The following NRXN1 variants were observed in gnomAD, a reference collection of about 807,000 sequenced individuals.
NRXN1 encodes the protein neurexin-1.
NRXN1 carries 39 observed loss-of-function variants against 150.9 expected under a neutral mutation model. That is an observed-to-expected ratio of 0.26 (90% CI 0.20 to 0.34). The LOEUF is 0.34. NRXN1 is among the 10% of genes least tolerant of loss of function. NRXN1 has a pLI of 1.00. For synonymous variants in NRXN1, 924 were observed against 757.0 expected, an observed-to-expected ratio of 1.22 and a Z score of -3.62; for missense variants, 1,815 against 1,949.9, an observed-to-expected ratio of 0.93 and a Z score of 1.30.
intron 17 of NRXN1, among the ~76,000 whole-genome samples, chr2:50,258,496 T>G (rs1188746260): frequency 1.3e-5 from 2 of 152,056 alleles, no homozygotes; most frequent in Non-Finnish European, 1.5e-5. Context: ...TTTAGTTCTC[T>G]TGCTATTTCT....
chr2:50,740,037 T>C (rs1418904655), intron 5 of NRXN1, among the ~76,000 whole-genome samples: 1 of 152,206 alleles, frequency 6.6e-6, no homozygotes, highest in Non-Finnish European at 1.5e-5. Context: ...AGGGATGCTT[T>C]GTATATTTCT....
intron 5 of NRXN1, among the ~76,000 whole-genome samples, chr2:50,780,552 A>C (rs1194023448): frequency 6.6e-6 from 1 of 152,148 alleles, no homozygotes; most frequent in African/African-American, 2.4e-5. Flanking sequence ...ATATTTATTT[A>C]ATTCTAGGAT....
chr2:50,525,652 C>G (rs1416825695), intron 12 of NRXN1, among the ~76,000 whole-genome samples: 2 of 152,194 alleles, frequency 1.3e-5, no homozygotes, highest in Non-Finnish European at 2.9e-5. Flanking sequence ...CTGTAATCTG[C>G]AAGATCAAAA....
intron 22 of NRXN1, among the ~76,000 whole-genome samples, chr2:49,932,083 A>G (rs1392667000): frequency 6.6e-6 from 1 of 152,020 alleles, no homozygotes; most frequent in Admixed American, 6.6e-5. Context: ...ATGTGTGTGC[A>G]TGTGAATATT....
At chr2:50,479,221 C>T (rs2090242901) in intron 15 of NRXN1, among the ~76,000 whole-genome samples, 2 of 152,214 alleles carry the variant, frequency 1.3e-5, no homozygotes, top group African/African-American at 4.8e-5. Context: ...GACCTTTAGT[C>T]AAACTTTGTT....
At chr2:50,144,107 T>C (rs535338800) in intron 18 of NRXN1, among the ~76,000 whole-genome samples, 57 of 152,002 alleles carry the variant, frequency 3.7e-4, no homozygotes, top group Non-Finnish European at 2.7e-4. Context: ...AGCAGAATTA[T>C]CTTTCAAATT....
intron 17 of NRXN1, among the ~76,000 whole-genome samples, chr2:50,439,557 A>C (rs1366255784): frequency 2.0e-5 from 3 of 152,192 alleles, no homozygotes; most frequent in African/African-American, 7.2e-5. Flanking sequence ...CTGTAATCCC[A>C]GCACCCTGGG....
At chr2:50,867,123 A>G (rs904358804) in intron 5 of NRXN1, among the ~76,000 whole-genome samples, 2 of 151,906 alleles carry the variant, frequency 1.3e-5, no homozygotes, top group Admixed American at 1.3e-4. Flanking sequence ...AGGACATCTC[A>G]TGAGCTTTTT....
intron 21 of NRXN1, among the ~76,000 whole-genome samples, chr2:49,964,326 T>G (rs2104581835): frequency 6.6e-6 from 1 of 152,302 alleles, no homozygotes; most frequent in African/African-American, 2.4e-5. Flanking sequence ...CATGCTGTAA[T>G]CCCAGCACTT....
At chr2:50,760,449 C>A (rs1226424439) in intron 5 of NRXN1, among the ~76,000 whole-genome samples, 5 of 151,832 alleles carry the variant, frequency 3.3e-5, no homozygotes, top group Non-Finnish European at 5.9e-5. Flanking sequence ...CAGACCCAGA[C>A]AGAGCCTCAG....
intron 5 of NRXN1, among the ~76,000 whole-genome samples, chr2:50,671,332 T>C (rs916764064): frequency 9.9e-5 from 15 of 151,722 alleles, no homozygotes; most frequent in African/African-American, 3.6e-4. Flanking sequence ...TCTGTTTGGC[T>C]ATTTTCACAG....
chr2:50,834,802 A>C (rs183475358), intron 5 of NRXN1, among the ~76,000 whole-genome samples: 1 of 152,226 alleles, frequency 6.6e-6, no homozygotes, highest in Non-Finnish European at 1.5e-5. Flanking sequence ...TCAGGGGTGC[A>C]TCATTGTAAT....
intron 18 of NRXN1, among the ~76,000 whole-genome samples, chr2:50,108,536 A>G (rs1239063983): frequency 3.3e-5 from 5 of 152,090 alleles, no homozygotes; most frequent in Non-Finnish European, 7.4e-5. Flanking sequence ...AAACTCTGAG[A>G]TATTTCAAAA....
At chr2:50,550,566 A>G (rs1371298570) in intron 9 of NRXN1, among the ~76,000 whole-genome samples, 3 of 151,740 alleles carry the variant, frequency 2.0e-5, no homozygotes, top group Non-Finnish European at 4.4e-5. Context: ...TACCAAATTA[A>G]CTGCTATCTC....
intron 17 of NRXN1, among the ~76,000 whole-genome samples, chr2:50,461,186 C>T (rs145007503): frequency 5.3e-5 from 8 of 151,930 alleles, no homozygotes; most frequent in South Asian, 2.1e-4. Context: ...CTCATTTCAG[C>T]GAATGTTTCT....
At chr2:50,567,580 T>TCAGTATTA (rs11281828) in intron 8 of NRXN1, among the ~76,000 whole-genome samples, 54,247 of 151,676 alleles carry the variant, frequency 0.36, 10,955 homozygotes, top group East Asian at 0.59. Flanking sequence ...AGATATAGAA[T>TCAGTATTA]CTGATTTTTC....
At chr2:51,030,535 A>AAC (rs57434663) in intron 1 of NRXN1, among the ~76,000 whole-genome samples, 12,389 of 145,212 alleles carry the variant, frequency 0.085, 567 homozygotes, top group Middle Eastern at 0.14. Flanking sequence ...TCTCTCTTTC[A>AAC]ACACACACAC....
intron 17 of NRXN1, among the ~76,000 whole-genome samples, chr2:50,429,415 C>T (rs556835579): frequency 1.3e-5 from 2 of 152,128 alleles, no homozygotes; most frequent in Admixed American, 1.3e-4. Flanking sequence ...TGCCATCACG[C>T]CTGGCTAATT....
chr2:51,001,935 G>C (rs1310397677), intron 2 of NRXN1, among the ~76,000 whole-genome samples: 1 of 151,806 alleles, frequency 6.6e-6, no homozygotes, highest in African/African-American at 2.4e-5. Context: ...TCCCTATATT[G>C]GGAGGAAAGG....
Sources: allele counts gnomAD v4.1 joint callset (sites outside exome capture counted in the v4.1 genomes callset), GRCh38; gene constraint gnomAD v4.1.1; transcripts MANE v1.5; gene names NCBI Gene and HGNC (gene_info 2026-07-23, HGNC 2026-07-21).